The following WIF1 variants were observed in gnomAD, a reference collection of about 807,000 sequenced individuals.
WIF1 encodes the protein Wnt inhibitory factor 1.
In WIF1, 35 loss-of-function variants were observed where a neutral mutation model predicts 53.5. The observed-to-expected ratio is 0.65, with a 90% confidence interval of 0.50 to 0.87. WIF1 has a LOEUF of 0.87. Among genes scored for constraint, WIF1 ranks in the 40% least tolerant of loss-of-function variants. The pLI is 0.00. For synonymous variants in WIF1, 171 were observed against 170.4 expected, an observed-to-expected ratio of 1.00 and a Z score of -0.03; for missense variants, 467 against 476.8, an observed-to-expected ratio of 0.98 and a Z score of 0.19.
At chr12:65,077,664 G>T in intron 3 of WIF1, 82 bp downstream of exon 3, 3 of 1,013,638 alleles carry the variant, frequency 3.0e-6, no homozygotes, top group East Asian at 2.5e-5. Flanking sequence ...TAACCTCTCT[G>T]ATGTAGGACA....
At chr12:65,068,388 A>G (rs1379423538) in intron 4 of WIF1, among the ~76,000 whole-genome samples, 1 of 152,134 alleles carries the variant, frequency 6.6e-6, no homozygotes, top group Non-Finnish European at 1.5e-5. Flanking sequence ...AGTGCTGGTA[A>G]TTATGAGCCA....
At chr12:65,059,284 G>C (rs1378607673) in intron 7 of WIF1, among the ~76,000 whole-genome samples, 1 of 152,146 alleles carries the variant, frequency 6.6e-6, no homozygotes, top group Non-Finnish European at 1.5e-5. Context: ...ACAGATAAAA[G>C]GGTTTTTAAG....
chr12:65,051,031 TG>T lies in WIF1; in HGVS notation c.*317del, dbSNP rs1882432047. ...CAATTTAACCTTTCTGATGTTCCCC[TG>T]CCCCCAGACACCATAAATGCATTGT... On this transcript the variant is annotated 3_prime_UTR_variant, in exon 10 of 10. Coordinates refer to ENST00000286574, the MANE Select transcript of WIF1 (RefSeq NM_007191.5). The T allele has an allele frequency of 7.9e-6, 2 of 253,422 alleles. No individual in the cohort carries two copies. The highest frequency in any genetic ancestry group is 3.3e-4 in the South Asian group (2 of 6,018). The allele number at this position is 253,422 out of a possible 1,614,324, so 15.7% of individuals were successfully genotyped here.
In WIF1 at chr12:65,072,486, T is replaced by C. The variant is rs564825623; in HGVS notation, c.398-3582A>G. On this transcript the variant is annotated intron_variant, in intron 3 of 9. Transcript: ENST00000286574. The stretch of plus-strand genomic sequence containing the variant: ...TCTCAAAGGCAAGAACTATATCTTG[T>C]TTTTGTAATCTCAGCATTTAGCATA... Among the ~76,000 whole-genome samples, 4 of 152,330 alleles carry C rather than the reference T, an allele frequency of 2.6e-5. No individual in the cohort carries two copies. The South Asian group carries it at 8.3e-4, about 32-fold the overall frequency.
intron 3 of WIF1, among the ~76,000 whole-genome samples, chr12:65,072,198 G>C (rs761296067): frequency 1.3e-5 from 2 of 152,078 alleles, no homozygotes; most frequent in Non-Finnish European, 2.9e-5. Context: ...ATTTCTCTCA[G>C]TTCCCCAAAT....
chr12:65,106,360 C>CATAT (rs200504105), intron 2 of WIF1, among the ~76,000 whole-genome samples: 4 of 142,084 alleles, frequency 2.8e-5, no homozygotes, highest in African/African-American at 1.1e-4. Context: ...TATATATGAT[C>CATAT]ATATATATAT....
rs912642030 is a variant in WIF1 at position 65,066,702 on chromosome 12, A to G, written c.669T>C (p.Leu223=). The G allele has an allele frequency of 6.2e-7, 1 of 1,610,624 alleles. No individual in the cohort carries two copies. Among genetic ancestry groups the G allele is most frequent in the Middle Eastern group, 1.7e-4 (1 of 6,046 alleles). Reference sequence around the variant, plus strand: ...AGATGCAGAAACCAGGAGTCACACAAAGTCCACCATTCATACATCGTGGGG... The same window carrying G: ...AGATGCAGAAACCAGGAGTCACACAGAGTCCACCATTCATACATCGTGGGG... The part of the protein sequence containing the change: ...LCTPRCMNGG[L]CVTPGFCICP... Residue 223 remains leucine (L), a synonymous_variant, in exon 6 of 10, where the codon CTT becomes CTC. Transcript: ENST00000286574.
At chr12:65,058,910 A>T (rs1029838302) in intron 7 of WIF1, among the ~76,000 whole-genome samples, 3 of 152,088 alleles carry the variant, frequency 2.0e-5, no homozygotes, top group African/African-American at 7.2e-5. Context: ...AAATTAGCCA[A>T]GTGTGATGGT....
At chr12:65,102,138 G>A (rs1361991917) in intron 2 of WIF1, among the ~76,000 whole-genome samples, 1 of 152,180 alleles carries the variant, frequency 6.6e-6, no homozygotes, top group African/African-American at 2.4e-5. Flanking sequence ...GATTTAACCT[G>A]TGCTGTCTTT....
chr12:65,067,842 G>C (rs1882711749), intron 4 of WIF1, 52 bp from the exon 5 acceptor site: 1 of 1,504,470 alleles, frequency 6.6e-7, no homozygotes, highest in Admixed American at 1.7e-5. Context: ...ATCATGTTGG[G>C]TGAATCACAG....
chr12:65,112,404 T>TCACACACA (rs758383148), intron 2 of WIF1, among the ~76,000 whole-genome samples: 18,827 of 123,242 alleles, frequency 0.15, 1,860 homozygotes, highest in Middle Eastern at 0.25. Flanking sequence ...CCTGCTCTAA[T>TCACACACA]CACACACACA....
intron 2 of WIF1, among the ~76,000 whole-genome samples, chr12:65,102,857 A>G (rs1012299787): frequency 6.6e-6 from 1 of 152,212 alleles, no homozygotes; most frequent in African/African-American, 2.4e-5. Context: ...TATTGGGTGG[A>G]CAACTATCTA....
intron 2 of WIF1, among the ~76,000 whole-genome samples, chr12:65,087,977 C>A (rs542485529): frequency 6.6e-6 from 1 of 152,220 alleles, no homozygotes; most frequent in Non-Finnish European, 1.5e-5. Flanking sequence ...ACATACTTTG[C>A]TCTTTTAATT....
intron 7 of WIF1, 130 bp from the exon 8 acceptor site, chr12:65,056,256 A>T: frequency 1.4e-6 from 1 of 727,202 alleles, no homozygotes; most frequent in Non-Finnish European, 2.1e-6. Flanking sequence ...TTTATTTCAG[A>T]TCTACTCTGG....
At chr12:65,113,457 C>A (rs1423537393) in intron 2 of WIF1, among the ~76,000 whole-genome samples, 1 of 152,090 alleles carries the variant, frequency 6.6e-6, no homozygotes, top group African/African-American at 2.4e-5. Context: ...AGGGAGGGTG[C>A]CAGCAGAGGG....
At chr12:65,062,440 G>T (rs751095571) in intron 7 of WIF1, 41 bp downstream of exon 7, 1 of 1,529,156 alleles carries the variant, frequency 6.5e-7, no homozygotes, top group Non-Finnish European at 9.0e-7. Flanking sequence ...GGGTTTCTAA[G>T]GTCTCCCCAA....
chr12:65,070,256 T>G (rs1253814400), intron 3 of WIF1, among the ~76,000 whole-genome samples: 1 of 152,008 alleles, frequency 6.6e-6, no homozygotes, highest in African/African-American at 2.4e-5. Flanking sequence ...CATTTCTAGC[T>G]CCCCTGAAAC....
chr12:65,112,588 T>A (rs1883450567), intron 2 of WIF1, among the ~76,000 whole-genome samples: 1 of 152,172 alleles, frequency 6.6e-6, no homozygotes, highest in Admixed American at 6.5e-5. Flanking sequence ...TTGCAACATG[T>A]TGAGTTCACT....
chr12:65,118,293 G>A (rs1883542649), intron 2 of WIF1, among the ~76,000 whole-genome samples: 1 of 152,090 alleles, frequency 6.6e-6, no homozygotes. Flanking sequence ...ATACTAATTG[G>A]TATTGAAGTC....
Sources: allele counts gnomAD v4.1 joint callset (sites outside exome capture counted in the v4.1 genomes callset), GRCh38; gene constraint gnomAD v4.1.1; transcripts MANE v1.5; gene names NCBI Gene and HGNC (gene_info 2026-07-23, HGNC 2026-07-21).